Variants in AKAP13 observed in about 807,000 individuals in gnomAD.
The protein encoded by AKAP13 is A-kinase anchor protein 13.
Under a neutral mutation model 264.5 loss-of-function variants are expected in AKAP13, and 80 were observed. The observed-to-expected ratio is 0.30, with a 90% CI of 0.25 to 0.36. AKAP13 has a LOEUF of 0.36. Among genes scored for constraint, AKAP13 ranks in the 10% least tolerant of loss-of-function variants. The pLI, the probability that AKAP13 is intolerant of heterozygous loss-of-function variation, is 1.00. For missense variants in AKAP13, 3,712 were observed against 3,435.2 expected (o/e 1.08, Z -2.01); for synonymous variants, 1,380 against 1,250.2 (o/e 1.10, Z -2.19).
intron 1 of AKAP13, among the ~76,000 whole-genome samples, chr15:85,470,181 C>T (rs1027057058): frequency 1.5e-4 from 23 of 152,046 alleles, no homozygotes; most frequent in African/African-American, 2.7e-4. Context: ...CCCAGCTACT[C>T]GGGAGGCTGA....
At chr15:85,575,913 G>A (rs1427969118) in intron 6 of AKAP13, among the ~76,000 whole-genome samples, 3 of 152,244 alleles carry the variant, frequency 2.0e-5, no homozygotes, top group Non-Finnish European at 4.4e-5. Context: ...GTGAGCCTGG[G>A]AGGCAGAGGT....
chr15:85,579,347 A>G lies in AKAP13; in HGVS notation c.1279A>G (p.Thr427Ala), dbSNP rs764245715. Residue 427 changes from threonine (T) to alanine (A), a missense_variant, in exon 7 of 37, where the codon ACA becomes GCA. Around this residue, in one of 3 missense-constraint regions of AKAP13, gnomAD observed 2,759 missense variants for 2,411.7 expected, o/e 1.14. Coordinates refer to ENST00000394518, the MANE Select transcript of AKAP13 (RefSeq NM_007200.5). Reference sequence around the variant, plus strand: ...TGGAAACAGAAATGAAGAAACTGGAACAAAATCTTCTGGAATGCCCACAGA... The same window carrying G: ...TGGAAACAGAAATGAAGAAACTGGAGCAAAATCTTCTGGAATGCCCACAGA... ...SCGNRNEETG[T>A]KSSGMPTDQE... is the part of the protein sequence containing the mutation. 46 of 1,614,258 alleles carry G rather than the reference A, an allele frequency of 2.8e-5. No individual in the cohort carries two copies. Among genetic ancestry groups the G allele is most frequent in the Non-Finnish European group, 3.9e-5 (46 of 1,180,044 alleles).
chr15:85,442,461 A>G, intron 1 of AKAP13, among the ~76,000 whole-genome samples: 1 of 124,240 alleles, frequency 8.0e-6, no homozygotes, highest in Non-Finnish European at 1.7e-5. Context: ...CATATATAAT[A>G]TACATAATAT....
intron 13 of AKAP13, 75 bp downstream of exon 13, chr15:85,664,830 AG>A: frequency 7.3e-7 from 1 of 1,372,736 alleles, no homozygotes; most frequent in Middle Eastern, 2.2e-4. Flanking sequence ...GGCTTCTGGT[AG>A]TATAAGGCTA....
intron 17 of AKAP13, 58 bp from the exon 18 acceptor site, chr15:85,707,959 ACT>A: frequency 6.4e-7 from 1 of 1,569,762 alleles, no homozygotes. Flanking sequence ...AGCAGTGGAA[ACT>A]CAGAATCTGG....
At chr15:85,562,991 C>T (rs1037715303) in intron 5 of AKAP13, among the ~76,000 whole-genome samples, 2 of 151,428 alleles carry the variant, frequency 1.3e-5, no homozygotes. Context: ...TGGGATTACA[C>T]GTGTGAGCCA....
In AKAP13 at chr15:85,581,064, A is replaced by T. The variant is rs920799261; in HGVS notation, c.2996A>T (p.Lys999Met). ...AFLKAETEHN[K>M]EVAPQVSLLT... Reference sequence around the variant, plus strand: ...CTTAAGGCAGAAACTGAACATAACAAGGAAGTGGCCCCACAAGTCTCACTG... The same window carrying T: ...CTTAAGGCAGAAACTGAACATAACATGGAAGTGGCCCCACAAGTCTCACTG... The change falls in exon 7 of 37, where the codon AAG becomes ATG. Residue 999 changes from lysine (K) to methionine (M), a missense_variant. Around this residue, in one of 3 missense-constraint regions of AKAP13, gnomAD observed 2,759 missense variants for 2,411.7 expected, o/e 1.14. Transcript: ENST00000394518. 1 of 1,613,914 alleles carries T rather than the reference A, an allele frequency of 6.2e-7. No individual in the cohort carries two copies. Among genetic ancestry groups the T allele is most frequent in the African/African-American group, 1.3e-5 (1 of 74,918 alleles).
At chr15:85,442,532 A>ATATATATT (rs563855431) in intron 1 of AKAP13, among the ~76,000 whole-genome samples, 3 of 124,216 alleles carry the variant, frequency 2.4e-5, no homozygotes, top group Admixed American at 8.7e-5. Context: ...TATTATATAT[A>ATATATATT]ATATATATTA....
rs373350717 is a variant in AKAP13 at position 85,542,979 on chromosome 15, A to T, written c.479-793A>T. On this transcript the variant is annotated intron_variant, in intron 4 of 36. Transcript: ENST00000394518. ...ACATGAATCACGCTTGGTCACACAG[A>T]TGGTAAATGCCAGATTCGAACCCTG... Among the ~76,000 whole-genome samples the T allele has an allele frequency of 3.5e-4, 54 of 152,322 alleles. No homozygotes were observed. The South Asian group carries it at 4.3e-3, about 12-fold the overall frequency.
intron 1 of AKAP13, among the ~76,000 whole-genome samples, chr15:85,381,204 C>T (rs1246757347): frequency 6.6e-6 from 1 of 152,172 alleles, no homozygotes; most frequent in East Asian, 1.9e-4. Context: ...CACTCCTCCC[C>T]TGGGGCGGGC....
chr15:85,475,362 G>A (rs2075122639), intron 1 of AKAP13, among the ~76,000 whole-genome samples: 1 of 152,122 alleles, frequency 6.6e-6, no homozygotes. Flanking sequence ...GATACAGCTG[G>A]TGGCAAAATT....
intron 13 of AKAP13, among the ~76,000 whole-genome samples, chr15:85,667,207 A>G (rs961216920): frequency 1.3e-5 from 2 of 152,208 alleles, no homozygotes; most frequent in African/African-American, 2.4e-5. Context: ...TAACATGACC[A>G]AATATAAACT....
chr15:85,455,870 ATCT>A (rs768276601), intron 1 of AKAP13, among the ~76,000 whole-genome samples: 33 of 152,182 alleles, frequency 2.2e-4, no homozygotes, highest in Non-Finnish European at 3.8e-4. Flanking sequence ...TTCTTAAATA[ATCT>A]TCTTCTGGGA....
intron 1 of AKAP13, among the ~76,000 whole-genome samples, chr15:85,467,023 A>T (rs943299276): frequency 2.6e-5 from 4 of 151,732 alleles, no homozygotes; most frequent in African/African-American, 7.3e-5. Flanking sequence ...AGTAATTTGG[A>T]ATCACTCATT....
At chr15:85,564,961 G>C (rs2078550100) in intron 5 of AKAP13, among the ~76,000 whole-genome samples, 1 of 152,136 alleles carries the variant, frequency 6.6e-6, no homozygotes, top group African/African-American at 2.4e-5. Context: ...ACTGCTCCTG[G>C]AAGTGTGCTG....
At chr15:85,676,978 C>A (rs1309971755) in intron 14 of AKAP13, 2 of 985,378 alleles carry the variant, frequency 2.0e-6, no homozygotes, top group African/African-American at 1.7e-5. Context: ...CTTCTCAGCT[C>A]AGCAGCAGAT....
chr15:85,411,320 T>C (rs1467649554), intron 1 of AKAP13, among the ~76,000 whole-genome samples: 3 of 152,180 alleles, frequency 2.0e-5, no homozygotes, highest in Non-Finnish European at 2.9e-5. Flanking sequence ...ATCTCAACCT[T>C]TGAGCACACA....
intron 8 of AKAP13, chr15:85,627,693 G>GAAAAACATCA (rs1465511548): frequency 6.6e-6 from 1 of 152,118 alleles, no homozygotes; most frequent in Non-Finnish European, 1.5e-5. Flanking sequence ...TTGTGTTCCT[G>GAAAAACATCA]AAAAACATCA....
intron 27 of AKAP13, 37 bp downstream of exon 27, chr15:85,726,523 G>A: frequency 1.9e-6 from 3 of 1,549,000 alleles, no homozygotes; most frequent in Non-Finnish European, 2.7e-6. Flanking sequence ...AGTATTATAA[G>A]CAGCTAGTTT....
Sources: gnomAD v4.1 joint callset for allele counts (sites outside exome capture counted in the v4.1 genomes callset) on GRCh38, gnomAD v4.1.1 for gene constraint, gnomAD v4.1.1 regional missense constraint, MANE v1.5 for transcripts, NCBI Gene and HGNC (gene_info 2026-07-23, HGNC 2026-07-21) for gene names.